CHRM3: variants seen among roughly 807,000 people sequenced by gnomAD.
CHRM3 encodes cholinergic receptor muscarinic 3, also known as muscarinic acetylcholine receptor M3.
CHRM3 carries 11 observed loss-of-function variants against 41.8 expected under a neutral mutation model. That is an observed-to-expected ratio of 0.26 (90% CI 0.17 to 0.44). CHRM3 has a LOEUF of 0.44. CHRM3 is among the 20% of genes least tolerant of loss of function. The pLI is 1.00. For missense variants in CHRM3, 571 were observed against 745.4 expected (o/e 0.77, Z 2.72); for synonymous variants, 297 against 301.4 (o/e 0.99, Z 0.15).
intron 5 of CHRM3, among the ~76,000 whole-genome samples, chr1:239,754,356 T>C (rs1198109198): frequency 6.6e-6 from 1 of 152,198 alleles, no homozygotes; most frequent in Admixed American, 6.5e-5. Flanking sequence ...CCTGCATGTT[T>C]TTGTTGGGTG....
intron 1 of CHRM3, among the ~76,000 whole-genome samples, chr1:239,437,217 A>T (rs1300674975): frequency 6.6e-6 from 1 of 152,184 alleles, no homozygotes; most frequent in East Asian, 1.9e-4. Context: ...GGGCTCGAGC[A>T]GTCCTCCTGC....
chr1:239,600,249 A>G (rs903293539), intron 3 of CHRM3, among the ~76,000 whole-genome samples: 2 of 151,856 alleles, frequency 1.3e-5, no homozygotes, highest in East Asian at 1.9e-4. Context: ...GTCAGTAGTC[A>G]TGTTGGTGGT....
In CHRM3 at chr1:239,703,785, G is replaced by A. The variant is rs182694006; in HGVS notation, c.-147+25497G>A. ...CTGTGTCGGGTTTTGGAGACATAAAGGCAAATAGAATGTAGATTCTATTCC... is the reference window on the plus strand; with the variant it reads ...CTGTGTCGGGTTTTGGAGACATAAAAGCAAATAGAATGTAGATTCTATTCC... On this transcript the variant is annotated intron_variant, in intron 5 of 6. Coordinates refer to ENST00000676153, the MANE Select transcript of CHRM3 (RefSeq NM_001375978.1). 2.3e-4 allele frequency: 35 copies of A among 152,114 alleles called. No homozygotes were observed. The East Asian group carries it at 6.2e-3, about 27-fold the overall frequency. The allele number at this position is 152,114 out of a possible 1,614,324, so 9.4% of individuals were successfully genotyped here. A position where few individuals can be genotyped will look rare whatever the true frequency, so the allele number is the denominator to read the frequency against.
intron 5 of CHRM3, chr1:239,707,084 C>CTG (rs1225052114): frequency 6.6e-6 from 1 of 152,146 alleles, no homozygotes; most frequent in Admixed American, 6.5e-5. Flanking sequence ...TTCTGGGTAA[C>CTG]TGTGGACAAA....
At chr1:239,461,901 C>T (rs1264836751) in intron 1 of CHRM3, among the ~76,000 whole-genome samples, 2 of 152,076 alleles carry the variant, frequency 1.3e-5, no homozygotes, top group East Asian at 3.9e-4. Flanking sequence ...TTCCCCTCAG[C>T]ATTCTCAATT....
chr1:239,664,302 T>A (rs539434744), intron 4 of CHRM3, among the ~76,000 whole-genome samples: 170 of 152,336 alleles, frequency 1.1e-3, no homozygotes, highest in Non-Finnish European at 2.1e-3. Flanking sequence ...ATTCCATTTT[T>A]AATTTATCAC....
At chr1:239,613,524 G>A (rs1209642261) in intron 3 of CHRM3, among the ~76,000 whole-genome samples, 4 of 152,014 alleles carry the variant, frequency 2.6e-5, no homozygotes, top group South Asian at 2.1e-4. Flanking sequence ...ATTCATAGTC[G>A]GCATCCCAGA....
chr1:239,771,439 G>C (rs979332658), intron 5 of CHRM3, among the ~76,000 whole-genome samples: 3 of 152,136 alleles, frequency 2.0e-5, no homozygotes, highest in African/African-American at 7.2e-5. Flanking sequence ...ATGGAAATCT[G>C]TTCATACAGC....
At chr1:239,749,014 G>A (rs1290871415) in intron 5 of CHRM3, among the ~76,000 whole-genome samples, 4 of 152,126 alleles carry the variant, frequency 2.6e-5, no homozygotes, top group Admixed American at 6.6e-5. Context: ...GGGAAAACCT[G>A]GGGTCTGAGC....
chr1:239,411,751 G>A (rs1436984426), intron 1 of CHRM3, among the ~76,000 whole-genome samples: 181 of 81,912 alleles, frequency 2.2e-3, no homozygotes, highest in Non-Finnish European at 3.4e-3. Flanking sequence ...AAAAAAAAAA[G>A]CTGGGATTGG....
chr1:239,883,561 A>G (rs551979575), intron 6 of CHRM3, among the ~76,000 whole-genome samples: 1 of 152,170 alleles, frequency 6.6e-6, no homozygotes, highest in East Asian at 1.9e-4. Flanking sequence ...CCTCCCTACA[A>G]CCCCACACTT....
chr1:239,741,363 T>C (rs1411482644), intron 5 of CHRM3, among the ~76,000 whole-genome samples: 5 of 152,184 alleles, frequency 3.3e-5, no homozygotes, highest in African/African-American at 1.2e-4. Context: ...GGGATATTCC[T>C]GGCGTTCCTG....
intron 3 of CHRM3, among the ~76,000 whole-genome samples, chr1:239,578,498 C>A (rs1662578644): frequency 6.6e-6 from 1 of 152,124 alleles, no homozygotes; most frequent in African/African-American, 2.4e-5. Flanking sequence ...TGAAAGCTCA[C>A]CCTGGAGAAT....
intron 4 of CHRM3, among the ~76,000 whole-genome samples, chr1:239,666,558 G>A (rs1030266309): frequency 6.6e-6 from 1 of 152,072 alleles, no homozygotes; most frequent in Non-Finnish European, 1.5e-5. Flanking sequence ...ACTTTCTCCT[G>A]TTATTTCCTG....
intron 6 of CHRM3, among the ~76,000 whole-genome samples, chr1:239,902,812 C>T (rs1473207168): frequency 1.3e-5 from 2 of 152,186 alleles, no homozygotes; most frequent in African/African-American, 2.4e-5. Context: ...TGTTGTATCA[C>T]ATGGGTAAGC....
intron 1 of CHRM3, among the ~76,000 whole-genome samples, chr1:239,403,751 TG>T (rs1660176321): frequency 6.6e-6 from 1 of 151,920 alleles, no homozygotes; most frequent in South Asian, 2.1e-4. Context: ...GGTGATCATG[TG>T]TGGCCCAGGA....
chr1:239,573,150 A>C (rs1428583692), intron 3 of CHRM3, among the ~76,000 whole-genome samples: 1 of 151,968 alleles, frequency 6.6e-6, no homozygotes, highest in South Asian at 2.1e-4. Context: ...AGTTCCTCGC[A>C]TTCTTTTTTT....
intron 1 of CHRM3, among the ~76,000 whole-genome samples, chr1:239,421,602 T>A (rs1028739113): frequency 6.6e-6 from 1 of 152,216 alleles, no homozygotes; most frequent in Non-Finnish European, 1.5e-5. Context: ...TTACTGTTTT[T>A]AAAAATAACT....
rs1278923817 is a variant in CHRM3 at position 239,907,588 on chromosome 1, C to T, written c.137C>T (p.Ala46Val). ...GGCAGCTACAATGTTTCTCGAGCAG[C>T]TGGCAATTTCTCCTCTCCAGACGGT... ...HFGSYNVSRA[A>V]GNFSSPDGTT... Residue 46 changes from alanine (A) to valine (V), a missense_variant, in exon 7 of 7, where the codon GCT becomes GTT. This residue lies in a region of CHRM3 where 92 missense variants were observed against 76.1 expected (regional missense o/e 1.21). Coordinates refer to ENST00000676153, the MANE Select transcript of CHRM3 (RefSeq NM_001375978.1). This position sits in a 1 kb window ranked among gnomAD's most constrained non-coding sequence, Gnocchi z 5.4. 1.9e-6 allele frequency: 3 copies of T among 1,614,068 alleles called. No individual in the cohort carries two copies. Among genetic ancestry groups the T allele is most frequent in the Non-Finnish European group, 2.5e-6 (3 of 1,180,046 alleles).
Sources: gnomAD v4.1 joint callset for allele counts (sites outside exome capture counted in the v4.1 genomes callset) on GRCh38, gnomAD v4.1.1 for gene constraint, gnomAD v4.1.1 regional missense constraint, Gnocchi (gnomAD v3.1) non-coding constraint, MANE v1.5 for transcripts, NCBI Gene and HGNC (gene_info 2026-07-23, HGNC 2026-07-21) for gene names.